Variants in ZYG11B observed in about 807,000 individuals in gnomAD.
The protein encoded by ZYG11B is protein zyg-11 homolog B.
In ZYG11B, 36 loss-of-function variants were observed where a neutral mutation model predicts 82.4. That is an observed-to-expected ratio of 0.44 (90% confidence interval 0.33 to 0.58). The LOEUF (loss-of-function observed/expected upper bound fraction) is 0.58, where lower values mean the gene tolerates loss of function less well. Among genes scored for constraint, ZYG11B ranks in the 20% least tolerant of loss-of-function variants. ZYG11B has a pLI of 0.02. For missense variants in ZYG11B, 552 were observed against 895.6 expected (o/e 0.62, Z 4.90); for synonymous variants, 303 against 312.8 (o/e 0.97, Z 0.33).
At chr1:52,790,500 G>A (rs1173060920) in intron 6 of ZYG11B, among the ~76,000 whole-genome samples, 2 of 152,122 alleles carry the variant, frequency 1.3e-5, no homozygotes, top group Non-Finnish European at 2.9e-5. Context: ...GGAGGCCAAA[G>A]CGGGAGGATC....
intron 10 of ZYG11B, among the ~76,000 whole-genome samples, chr1:52,802,340 C>CTTTTTTTTTTTTTTTTTTTTTTTTTTTTT (rs397980205): frequency 1.3e-5 from 1 of 78,072 alleles, no homozygotes; most frequent in South Asian, 4.7e-4. Flanking sequence ...TTCTTTCTCT[C>CTTTTTTTTTTTTTTTTTTTTTTTTTTTTT]TTTTTTTTTT....
intron 1 of ZYG11B, among the ~76,000 whole-genome samples, chr1:52,729,102 C>G (rs1389280862): frequency 6.6e-6 from 1 of 152,102 alleles, no homozygotes; most frequent in Non-Finnish European, 1.5e-5. Flanking sequence ...AATCAGTTCC[C>G]CAGTGGATTC....
chr1:52,749,903 A>AT (rs1236325877), intron 1 of ZYG11B, among the ~76,000 whole-genome samples: 1 of 152,142 alleles, frequency 6.6e-6, no homozygotes, highest in Non-Finnish European at 1.5e-5. Context: ...TCCTTCAAAG[A>AT]TAACTAGTTG....
At chr1:52,783,080 C>G (rs1182136324) in intron 4 of ZYG11B, among the ~76,000 whole-genome samples, 1 of 152,036 alleles carries the variant, frequency 6.6e-6, no homozygotes, top group African/African-American at 2.4e-5. Context: ...GCACCTGCCA[C>G]CACGCCCAGC....
intron 12 of ZYG11B, among the ~76,000 whole-genome samples, chr1:52,816,234 C>T (rs1645222799): frequency 6.6e-6 from 1 of 151,952 alleles, no homozygotes; most frequent in South Asian, 2.1e-4. Context: ...TCTTAGTTTC[C>T]AAACCAAGAT....
rs1054390528 is a variant in ZYG11B at position 52,824,144 on chromosome 1, A to AT, written c.*2515_*2516insT. 1.3e-5 allele frequency: 2 copies of AT among 151,862 alleles called. No individual in the cohort carries two copies. The highest frequency in any genetic ancestry group is 2.9e-5 in the Non-Finnish European group (2 of 67,968). The allele number at this position is 151,862 out of a possible 1,614,324, so 9.4% of individuals were successfully genotyped here. A position where few individuals can be genotyped will look rare whatever the true frequency, so the allele number is the denominator to read the frequency against. ...GGAGTGAGACTCTGGGGAAAAAAAA[A>AT]ATTAAACTTCCTACTTTTTTTCTTT... On this transcript the variant is annotated 3_prime_UTR_variant, in exon 14 of 14. Coordinates refer to ENST00000294353, the MANE Select transcript of ZYG11B (RefSeq NM_024646.3).
At chr1:52,758,899 C>G (rs997143967) in intron 2 of ZYG11B, among the ~76,000 whole-genome samples, 4 of 152,000 alleles carry the variant, frequency 2.6e-5, no homozygotes, top group African/African-American at 9.7e-5. Context: ...GCATTTCTTT[C>G]TAATCCCAAT....
chr1:52,742,901 C>T (rs1429782938), intron 1 of ZYG11B, among the ~76,000 whole-genome samples: 66 of 151,318 alleles, frequency 4.4e-4, no homozygotes, highest in Non-Finnish European at 8.7e-4. Flanking sequence ...GGGGGCAGCC[C>T]CCGCCCGGCC....
chr1:52,812,680 C>T (rs6664503), intron 10 of ZYG11B, among the ~76,000 whole-genome samples: 6,192 of 151,854 alleles, frequency 0.041, 391 homozygotes, highest in African/African-American at 0.14. Context: ...GATGGGATTA[C>T]AGGCATGAAC....
At chr1:52,797,140 A>AT (rs1329442284) in intron 8 of ZYG11B, among the ~76,000 whole-genome samples, 1 of 72,886 alleles carries the variant, frequency 1.4e-5, no homozygotes, top group African/African-American at 7.3e-5. Context: ...ATATTTATAT[A>AT]TTATATATTA....
chr1:52,797,121 A>G (rs1277386424), intron 8 of ZYG11B, among the ~76,000 whole-genome samples: 2 of 69,020 alleles, frequency 2.9e-5, no homozygotes, highest in African/African-American at 2.0e-4. Flanking sequence ...TTTATATATT[A>G]TATATTATAT....
Position 52,803,207 on chromosome 1 carries a change from CACACAT to C in ZYG11B, c.1695+1070_1695+1075del, listed in dbSNP as rs1295376735. Among the ~76,000 whole-genome samples, 72 of 61,888 alleles carry C rather than the reference CACACAT, an allele frequency of 1.2e-3. 5 individuals carry two copies. Among genetic ancestry groups the C allele is most frequent in the East Asian group, 0.012 (3 of 258 alleles). The allele number at this position is 61,888 out of a possible 152,430, so 40.6% of individuals were successfully genotyped here. A position where few individuals can be genotyped will look rare whatever the true frequency, so the allele number is the denominator to read the frequency against. On this transcript the variant is annotated intron_variant, in intron 10 of 13. Transcript: ENST00000294353. ...ATATATACACATATATATATATACA[CACACAT>C]ATATATATATACACACATATATATA...
At chr1:52,731,080 C>T (rs779940637) in intron 1 of ZYG11B, among the ~76,000 whole-genome samples, 4 of 151,952 alleles carry the variant, frequency 2.6e-5, no homozygotes, top group Non-Finnish European at 4.4e-5. Flanking sequence ...CAAGACCAGC[C>T]TGACCAATAT....
intron 1 of ZYG11B, among the ~76,000 whole-genome samples, chr1:52,736,224 T>C (rs1159181569): frequency 6.6e-6 from 1 of 152,148 alleles, no homozygotes; most frequent in Non-Finnish European, 1.5e-5. Flanking sequence ...GTGTACTTGG[T>C]GATGTCTAGC....
intron 1 of ZYG11B, among the ~76,000 whole-genome samples, chr1:52,751,772 T>C (rs1204244602): frequency 6.6e-6 from 1 of 152,162 alleles, no homozygotes; most frequent in Non-Finnish European, 1.5e-5. Flanking sequence ...AGCCCCTAGA[T>C]AACTTCTTTC....
intron 5 of ZYG11B, among the ~76,000 whole-genome samples, chr1:52,789,643 T>C (rs1251134054): frequency 1.3e-5 from 2 of 152,156 alleles, no homozygotes; most frequent in Admixed American, 1.3e-4. Flanking sequence ...AGCAGGCTCG[T>C]CTATATTTGA....
At chr1:52,736,407 G>A (rs1240305183) in intron 1 of ZYG11B, among the ~76,000 whole-genome samples, 2 of 151,950 alleles carry the variant, frequency 1.3e-5, no homozygotes, top group Non-Finnish European at 1.5e-5. Flanking sequence ...AGCCTCCTGA[G>A]TATCACAGGC....
At chr1:52,796,443 A>C in intron 7 of ZYG11B, 52 bp downstream of exon 7, 1 of 1,416,030 alleles carries the variant, frequency 7.1e-7, no homozygotes, top group African/African-American at 1.4e-5. Flanking sequence ...TTCTCACTAC[A>C]TTTACTGTTT....
intron 4 of ZYG11B, among the ~76,000 whole-genome samples, chr1:52,783,383 TA>T (rs1335092244): frequency 6.6e-6 from 1 of 151,994 alleles, no homozygotes. Flanking sequence ...CAGTACAGAA[TA>T]AAAAATTGAT....
Sources: gnomAD v4.1 joint callset for allele counts (sites outside exome capture counted in the v4.1 genomes callset) on GRCh38, gnomAD v4.1.1 for gene constraint, MANE v1.5 for transcripts, NCBI Gene and HGNC (gene_info 2026-07-23, HGNC 2026-07-21) for gene names.